Variants in TANK observed in about 807,000 individuals in gnomAD.
TANK encodes the protein TRAF family member associated NFKB activator, also known as TRAF family member-associated NF-kappa-B activator.
TANK carries 15 observed loss-of-function variants against 43.6 expected under a neutral mutation model. The observed-to-expected ratio is 0.34, with a 90% CI of 0.23 to 0.53. The LOEUF (loss-of-function observed/expected upper bound fraction) is 0.53, where lower values mean the gene tolerates loss of function less well. Among genes scored for constraint, TANK ranks in the 20% least tolerant of loss-of-function variants. TANK has a pLI of 0.94. For synonymous variants in TANK, 162 were observed against 178.2 expected (o/e 0.91, Z 0.73); for missense variants, 417 against 498.6 (o/e 0.84, Z 1.56).
At chr2:161,220,714 ATCTT>A (rs763263891) in intron 4 of TANK, among the ~76,000 whole-genome samples, 33 of 152,324 alleles carry the variant, frequency 2.2e-4, no homozygotes, top group Middle Eastern at 3.4e-3. Context: ...TCTTTTCTGT[ATCTT>A]TCCAATTTTT....
rs768761829 is a variant in TANK at position 161,223,946 on chromosome 2, A to G, written c.359A>G (p.Lys120Arg). Residue 120 changes from lysine to arginine, a missense_variant, in exon 5 of 8, where the codon AAA becomes AGA. Lys to Arg is a conservative substitution (Grantham distance 26). Coordinates refer to ENST00000392749, the MANE Select transcript of TANK (RefSeq NM_001199135.3). Reference protein sequence around the residue: ...VRRQEVSSPRKETSARSLGSP... With the variant: ...VRRQEVSSPRRETSARSLGSP... ...AGACAAGAGGTTTCTTCTCCTAGAA[A>G]AGAAACTTCAGCAAGGAGTCTTGGC... 1.9e-6 allele frequency: 3 copies of G among 1,602,510 alleles called. No individual in the cohort carries two copies. Among genetic ancestry groups the G allele is most frequent in the Non-Finnish European group, 2.6e-6 (3 of 1,172,374 alleles).
intron 1 of TANK, chr2:161,162,945 A>T (rs1004188016): frequency 6.6e-6 from 1 of 152,104 alleles, no homozygotes; most frequent in Non-Finnish European, 1.5e-5. Context: ...TTCATCTTTG[A>T]CCTAACAGGA....
intron 2 of TANK, among the ~76,000 whole-genome samples, chr2:161,189,147 A>T (rs1184715444): frequency 2.6e-5 from 4 of 152,252 alleles, no homozygotes; most frequent in Non-Finnish European, 4.4e-5. Flanking sequence ...ACAAAACACT[A>T]GCAAATCAAA....
intron 1 of TANK, among the ~76,000 whole-genome samples, chr2:161,152,892 T>C (rs1684118092): frequency 6.6e-6 from 1 of 152,188 alleles, no homozygotes; most frequent in Admixed American, 6.5e-5. Context: ...GTGGATTTTT[T>C]TGAGTCTATT....
At chr2:161,216,497 A>G (rs147118744) in intron 4 of TANK, 11 of 435,470 alleles carry the variant, frequency 2.5e-5, no homozygotes, top group South Asian at 1.4e-4. Context: ...TCTTCTTCCT[A>G]CTTTTTTTCT....
intron 1 of TANK, 23 bp from the exon 2 acceptor site, chr2:161,179,591 A>G (rs764967006): frequency 6.3e-7 from 1 of 1,580,646 alleles, no homozygotes; most frequent in Non-Finnish European, 8.6e-7. Context: ...GTAATTATCT[A>G]AATTGATCTC....
At chr2:161,210,137 G>A (rs187757700) in intron 4 of TANK, among the ~76,000 whole-genome samples, 2 of 152,228 alleles carry the variant, frequency 1.3e-5, no homozygotes, top group African/African-American at 2.4e-5. Context: ...TGGCTTTGAG[G>A]AACAAGAAAG....
chr2:161,198,936 A>G (rs1686280632), intron 2 of TANK, among the ~76,000 whole-genome samples: 1 of 152,160 alleles, frequency 6.6e-6, no homozygotes, highest in Non-Finnish European at 1.5e-5. Flanking sequence ...ATGGTTGAAG[A>G]AAGACTTGTG....
At chr2:161,161,862 G>A (rs1000320229) in intron 1 of TANK, 1 of 152,974 alleles carries the variant, frequency 6.5e-6, no homozygotes, top group African/African-American at 2.4e-5. Flanking sequence ...ATATTTTCAA[G>A]AATTATCAAT....
chr2:161,171,513 T>C lies in TANK; in HGVS notation c.-49-8101T>C, dbSNP rs374199478. On this transcript the variant is annotated intron_variant, in intron 1 of 7. Transcript: ENST00000392749. Reference sequence around the variant, plus strand: ...GGATATGAAGAGCTGTAGAGTCCTGTGCCAGTGGTTAAGAGCACAGAGTAA... The same window carrying C: ...GGATATGAAGAGCTGTAGAGTCCTGCGCCAGTGGTTAAGAGCACAGAGTAA... 2.6e-5 allele frequency among the ~76,000 whole-genome samples: 4 copies of C among 152,324 alleles called. No individual in the cohort carries two copies. In the East Asian group the frequency reaches 7.7e-4, roughly 29 times the overall value.
intron 4 of TANK, 167 bp downstream of exon 4, chr2:161,204,960 A>G: frequency 7.1e-7 from 1 of 1,404,542 alleles, no homozygotes; most frequent in Non-Finnish European, 9.3e-7. Context: ...AAGTAAAATA[A>G]AGGCTGAGGT....
At chr2:161,171,228 CCTTCT>C (rs764294821) in intron 1 of TANK, among the ~76,000 whole-genome samples, 2 of 152,110 alleles carry the variant, frequency 1.3e-5, no homozygotes, top group South Asian at 4.2e-4. Context: ...ATTTTTGTAG[CCTTCT>C]CTTTAGGAAT....
intron 6 of TANK, among the ~76,000 whole-genome samples, chr2:161,229,036 C>G (rs977148773): frequency 1.3e-5 from 2 of 152,348 alleles, no homozygotes; most frequent in East Asian, 3.9e-4. Context: ...TTAAGTGACA[C>G]ATAACTATAT....
At chr2:161,222,415 A>C (rs1035347925) in intron 4 of TANK, among the ~76,000 whole-genome samples, 1 of 152,072 alleles carries the variant, frequency 6.6e-6, no homozygotes, top group Non-Finnish European at 1.5e-5. Context: ...GTATTTTCTT[A>C]ATATACCTCT....
rs190207104 is a variant in TANK, at chr2:161,219,623, T to A, written c.328-4292T>A. ...ACTTTTATGTACTATTCTTTTATGT[T>A]TATTCTTATCAAATATCTTTTTGTA... On this transcript the variant is annotated intron_variant, in intron 4 of 7. Transcript: ENST00000392749. 1.4e-5 allele frequency: 5 copies of A among 346,872 alleles called. No individual in the cohort carries two copies. In the East Asian group the frequency reaches 2.6e-4, roughly 18 times the overall value. 21.5% of individuals were successfully genotyped at this position (346,872 alleles called of 1,614,324 possible). A position where few individuals can be genotyped will look rare whatever the true frequency, so the allele number is the denominator to read the frequency against.
chr2:161,203,819 C>T (rs1411140442), intron 3 of TANK, among the ~76,000 whole-genome samples: 1 of 152,164 alleles, frequency 6.6e-6, no homozygotes, highest in Non-Finnish European at 1.5e-5. Context: ...GTTTATAAAA[C>T]TTCCTAAAAA....
intron 2 of TANK, chr2:161,197,486 GTCTTAGTCCA>G: frequency 6.6e-6 from 1 of 152,306 alleles, no homozygotes; most frequent in Non-Finnish European, 1.5e-5. Flanking sequence ...CATGCTCTGT[GTCTTAGTCCA>G]TTTGCACTCT....
At chr2:161,192,049 A>G (rs1216764947) in intron 2 of TANK, among the ~76,000 whole-genome samples, 1 of 151,970 alleles carries the variant, frequency 6.6e-6, no homozygotes, top group Non-Finnish European at 1.5e-5. Context: ...CAGCCTCCCA[A>G]AGTGCTGGGA....
chr2:161,204,843 T>C lies in TANK; in HGVS notation c.327+50T>C, dbSNP rs1359223469. The C allele has an allele frequency of 3.2e-6, 5 of 1,583,684 alleles. No individual in the cohort carries two copies. In the Middle Eastern group the frequency reaches 5.0e-4, roughly 159 times the overall value. ...AGCATTTAAATGCTGATGCGTGACA[T>C]AGCTTCCTCATTTTATTTTTCTGAA... On this transcript the variant is annotated intron_variant, in intron 4 of 7. Coordinates refer to ENST00000392749, the MANE Select transcript of TANK (RefSeq NM_001199135.3).
Sources: gnomAD v4.1 joint callset for allele counts (sites outside exome capture counted in the v4.1 genomes callset) on GRCh38, gnomAD v4.1.1 for gene constraint, MANE v1.5 for transcripts, NCBI Gene and HGNC (gene_info 2026-07-23, HGNC 2026-07-21) for gene names.